CIMIP5: variants seen among roughly 807,000 people sequenced by gnomAD.
The protein encoded by CIMIP5 is ciliary microtubule inner protein 5.
At chr2:11,147,503 A>G in the CIMIP5 span, among the ~76,000 whole-genome samples, 3 of 152,294 alleles carry the variant, frequency 2.0e-5, no homozygotes, top group South Asian at 6.2e-4. Context: ...ACAGGTCTGC[A>G]TGTAGCTGGG....
the CIMIP5 span, among the ~76,000 whole-genome samples, chr2:11,141,324 T>G: frequency 6.6e-6 from 1 of 152,044 alleles, no homozygotes; most frequent in South Asian, 2.1e-4. Flanking sequence ...AGAGGGGGTT[T>G]CACTATGTTA....
chr2:11,133,289 CT>C, the CIMIP5 span: 1 of 1,541,002 alleles, frequency 6.5e-7, no homozygotes, highest in Non-Finnish European at 8.6e-7. Context: ...AGGTCTCTCT[CT>C]CTCTCTCTCT....
chr2:11,140,484 A>C, the CIMIP5 span: 1 of 1,530,370 alleles, frequency 6.5e-7, no homozygotes, highest in Non-Finnish European at 8.9e-7. Context: ...AGGAACTCAC[A>C]CAGCCAACAT....
At chr2:11,140,248 G>T in the CIMIP5 span, among the ~76,000 whole-genome samples, 2 of 151,084 alleles carry the variant, frequency 1.3e-5, no homozygotes, top group African/African-American at 4.9e-5. Flanking sequence ...GGTGGCGGGT[G>T]CCTGTAGTCC....
At chr2:11,133,948 A>C in the CIMIP5 span, among the ~76,000 whole-genome samples, 12 of 152,162 alleles carry the variant, frequency 7.9e-5, no homozygotes, top group Non-Finnish European at 1.6e-4. Context: ...TCATGCATTC[A>C]TTCAACCAAA....
the CIMIP5 span, among the ~76,000 whole-genome samples, chr2:11,148,718 T>A: frequency 7.0e-6 from 1 of 143,742 alleles, no homozygotes; most frequent in Non-Finnish European, 1.5e-5. Flanking sequence ...AAATTTTAAG[T>A]ACTAATGAAA....
the CIMIP5 span, among the ~76,000 whole-genome samples, chr2:11,153,908 GAGTGAA>G: frequency 6.7e-5 from 9 of 133,906 alleles, no homozygotes; most frequent in Non-Finnish European, 1.6e-5. Flanking sequence ...TGGGCGACAA[GAGTGAA>G]ACTCCGTCTC....
the CIMIP5 span, among the ~76,000 whole-genome samples, chr2:11,137,322 C>T: frequency 1.3e-5 from 2 of 151,954 alleles, no homozygotes; most frequent in East Asian, 1.9e-4. Flanking sequence ...TGCAATCAGC[C>T]GAGATTGTGC....
chr2:11,140,416 G>A, the CIMIP5 span: 30 of 698,606 alleles, frequency 4.3e-5, no homozygotes, highest in African/African-American at 4.1e-4. Context: ...GTTCTTCCAC[G>A]TGATACATTG....
chr2:11,142,102 C>T, the CIMIP5 span, among the ~76,000 whole-genome samples: 1 of 151,946 alleles, frequency 6.6e-6, no homozygotes, highest in Non-Finnish European at 1.5e-5. Context: ...CCCATCTCTA[C>T]TAAAAATACA....
chr2:11,143,849 T>A, the CIMIP5 span: 1 of 1,310,200 alleles, frequency 7.6e-7, no homozygotes, highest in South Asian at 1.8e-5. Flanking sequence ...TGCTCTCTGC[T>A]CTGTTTTCTC....
chr2:11,146,414 T>C, the CIMIP5 span: 6 of 152,164 alleles, frequency 3.9e-5, no homozygotes, highest in Non-Finnish European at 8.8e-5. Context: ...TTCCCCCAAA[T>C]TTAGCAAATT....
the CIMIP5 span, chr2:11,144,338 C>T: frequency 2.9e-6 from 1 of 342,756 alleles, no homozygotes; most frequent in Non-Finnish European, 5.3e-6. Context: ...ATCCCCAGCC[C>T]TTCCAGCTTG....
At chr2:11,148,842 C>T in the CIMIP5 span, among the ~76,000 whole-genome samples, 2 of 145,954 alleles carry the variant, frequency 1.4e-5, no homozygotes, top group Admixed American at 7.0e-5. Context: ...TCAAGCGATT[C>T]TCCTGCCTCG....
chr2:11,148,428 T>C, the CIMIP5 span, among the ~76,000 whole-genome samples: 1 of 151,812 alleles, frequency 6.6e-6, no homozygotes, highest in African/African-American at 2.4e-5. Context: ...ACTTTCCACA[T>C]GATAAAAAAT....
At chr2:11,133,351 C>T in the CIMIP5 span, 4 of 1,603,990 alleles carry the variant, frequency 2.5e-6, no homozygotes, top group Non-Finnish European at 3.4e-6. Context: ...AGCCACCCCA[C>T]CCCTGGGCTC....
chr2:11,140,341 C>T, the CIMIP5 span, among the ~76,000 whole-genome samples: 1 of 146,616 alleles, frequency 6.8e-6, no homozygotes, highest in Admixed American at 6.9e-5. Context: ...CGCCACGGCA[C>T]TCCAGCCTGG....
the CIMIP5 span, among the ~76,000 whole-genome samples, chr2:11,147,683 T>C: frequency 6.6e-6 from 1 of 152,352 alleles, no homozygotes; most frequent in African/African-American, 2.4e-5. Flanking sequence ...GCAGGCACAC[T>C]GATGGCTTCT....
the CIMIP5 span, among the ~76,000 whole-genome samples, chr2:11,134,461 A>G: frequency 6.6e-6 from 1 of 152,152 alleles, no homozygotes; most frequent in Admixed American, 6.6e-5. Flanking sequence ...GAAACTTCAT[A>G]CCCGTTGATT....
Sources: gnomAD v4.1 joint callset for allele counts (sites outside exome capture counted in the v4.1 genomes callset) on GRCh38, gnomAD v4.1.1 for gene constraint, MANE v1.5 for transcripts, NCBI Gene and HGNC (gene_info 2026-07-23, HGNC 2026-07-21) for gene names.